The following ACTN1 variants were observed in gnomAD, a reference collection of about 807,000 sequenced individuals.
ACTN1 encodes actinin alpha 1.
In ACTN1, 30 loss-of-function variants were observed where a neutral mutation model predicts 119.6. That is an observed-to-expected ratio of 0.25 (90% CI 0.19 to 0.34). The LOEUF is 0.34. Among genes scored for constraint, ACTN1 ranks in the 10% least tolerant of loss-of-function variants. The pLI is 1.00. For synonymous variants in ACTN1, 429 were observed against 472.6 expected (o/e 0.91, Z 1.20); for missense variants, 764 against 1,223.4 (o/e 0.62, Z 5.60).
intron 3 of ACTN1, among the ~76,000 whole-genome samples, chr14:68,920,675 C>T (rs1446572320): frequency 6.6e-6 from 1 of 152,186 alleles, no homozygotes; most frequent in African/African-American, 2.4e-5. Flanking sequence ...ATACACAAAT[C>T]CTCTGCTCCA....
At chr14:68,957,874 A>C (rs1366248666) in intron 1 of ACTN1, among the ~76,000 whole-genome samples, 1 of 152,144 alleles carries the variant, frequency 6.6e-6, no homozygotes, top group Non-Finnish European at 1.5e-5. Flanking sequence ...GAAGTGAGAG[A>C]CGGCAGGTTT....
At chr14:68,876,937 G>T in intron 21 of ACTN1, 145 bp downstream of exon 21, 1 of 931,866 alleles carries the variant, frequency 1.1e-6, no homozygotes, top group Non-Finnish European at 1.6e-6. Flanking sequence ...TTACAGAAAT[G>T]AGTAGAAGTG....
rs2031325314 is a variant in ACTN1, at chr14:68,879,847, C to T, written c.2280+115G>A. 6.9e-7 allele frequency: 1 copy of T among 1,445,550 alleles called. No homozygotes were observed. 89.5% of individuals were successfully genotyped at this position (1,445,550 alleles called of 1,614,324 possible). ...AGTCAGGGCAGGCTGACGGCAGTTT[C>T]CCCTTTCTCTCCCTCCTCACTTGCA... On this transcript the variant is annotated intron_variant, in intron 18 of 21. Transcript: ENST00000394419. This position sits in a 1 kb window ranked among gnomAD's most constrained non-coding sequence, Gnocchi z 4.9.
At chr14:68,907,277 A>C (rs2033722481) in intron 6 of ACTN1, among the ~76,000 whole-genome samples, 1 of 144,398 alleles carries the variant, frequency 6.9e-6, no homozygotes, top group Non-Finnish European at 1.5e-5. Flanking sequence ...AAAAAAAAAA[A>C]AAAAAGCTGG....
At chr14:68,974,552 T>TCACACACACA (rs5809408) in intron 1 of ACTN1, among the ~76,000 whole-genome samples, 30 of 149,704 alleles carry the variant, frequency 2.0e-4, no homozygotes, top group Non-Finnish European at 2.2e-4. Flanking sequence ...TCCTACAACA[T>TCACACACACA]CACACACACA....
At chr14:68,912,348 A>C in intron 3 of ACTN1, 106 bp from the exon 4 acceptor site, 1 of 854,116 alleles carries the variant, frequency 1.2e-6, no homozygotes, top group African/African-American at 1.7e-5. Flanking sequence ...GAATCAAAAG[A>C]CTCCAGAGCT....
chr14:68,940,986 G>A (rs887813591), intron 1 of ACTN1, among the ~76,000 whole-genome samples: 3 of 152,198 alleles, frequency 2.0e-5, no homozygotes, highest in African/African-American at 7.2e-5. Flanking sequence ...TGGGCATAGT[G>A]ACTGGGAACT....
chr14:68,958,520 TA>T (rs796668441), intron 1 of ACTN1, among the ~76,000 whole-genome samples: 135 of 145,350 alleles, frequency 9.3e-4, no homozygotes, highest in Middle Eastern at 3.5e-3. Context: ...CCTTTTCAAT[TA>T]AAAAAAAAAA....
intron 9 of ACTN1, among the ~76,000 whole-genome samples, chr14:68,893,079 C>T (rs1478044034): frequency 1.3e-5 from 2 of 152,116 alleles, no homozygotes; most frequent in Non-Finnish European, 2.9e-5. Context: ...TCTTACTATG[C>T]TGGGCAGCAG....
At position 68,978,984 on chromosome 14, in the gene ACTN1, G is replaced by A. The variant is rs775639688; in HGVS notation, c.73C>T (p.Leu25=). 1 of 1,602,384 alleles carries A rather than the reference G, an allele frequency of 6.2e-7. No individual in the cohort carries two copies. The highest frequency in any genetic ancestry group is 8.5e-7 in the Non-Finnish European group (1 of 1,174,216). The change falls in exon 1 of 22, where the codon CTG becomes TTG. Residue 25 remains leucine, a synonymous_variant. Coordinates refer to ENST00000394419, the MANE Select transcript of ACTN1 (RefSeq NM_001130004.2). ...PEEDWDRDLL[L]DPAWEKQQRK... is the part of the protein sequence containing the mutation. ...TGCTGCTTCTCCCAGGCCGGGTCCA[G>A]GAGCAGGTCCCGGTCCCAGTCCTCT...
Position 68,880,067 on chromosome 14 carries a change from G to C in ACTN1, c.2175C>G (p.Ala725=). The change falls in exon 18 of 22, where the codon GCC becomes GCG. Residue 725 remains alanine (A), a synonymous_variant. Transcript: ENST00000394419. This position sits in a 1 kb window ranked among gnomAD's most constrained non-coding sequence, Gnocchi z 4.6. Reference sequence around the variant, plus strand: ...GGTTCTCTACCTCATTGATGGTCCTGGCGATGGTGGTGAGCAGCTGCTCCC... The same window carrying C: ...GGTTCTCTACCTCATTGATGGTCCTCGCGATGGTGGTGAGCAGCTGCTCCC... ...VGWEQLLTTI[A]RTINEVENQI... 1 of 1,614,192 alleles carries C rather than the reference G, an allele frequency of 6.2e-7. No individual in the cohort carries two copies.
rs1297241160 is a variant in ACTN1 at position 68,880,490 on chromosome 14, TA to T, written c.2133+319del. Among the ~76,000 whole-genome samples, 22 of 151,850 alleles carry T rather than the reference TA, an allele frequency of 1.4e-4. No homozygotes were observed. The highest frequency in any genetic ancestry group is 1.4e-3 in the Admixed American group (22 of 15,262). On this transcript the variant is annotated intron_variant, in intron 17 of 21. Transcript: ENST00000394419. This position sits in a 1 kb window ranked among gnomAD's most constrained non-coding sequence, Gnocchi z 4.6. ...ACACACACACACACTCTTGCACAGT[TA>T]AAACAAGTAGCCATTTTCAAAGCAG... is the stretch of plus-strand genomic sequence containing the variant.
chr14:68,876,690 A>G (rs866386435), intron 21 of ACTN1, among the ~76,000 whole-genome samples: 12 of 152,324 alleles, frequency 7.9e-5, no homozygotes, highest in South Asian at 6.2e-4. Context: ...TGGGTCCCAC[A>G]GTCCCTCTTC....
chr14:68,881,150 CATGGGTGCTCTTAGGT>C (rs1463812019), intron 16 of ACTN1, 161 bp from the exon 17 acceptor site: 2 of 629,248 alleles, frequency 3.2e-6, no homozygotes, highest in Non-Finnish European at 5.5e-6. Flanking sequence ...ACACTTTTAG[CATGGGTGCTCTTAGGT>C]ATGGAAACAG....
intron 1 of ACTN1, among the ~76,000 whole-genome samples, chr14:68,976,937 C>A (rs143099216): frequency 3.9e-5 from 6 of 152,192 alleles, no homozygotes; most frequent in Non-Finnish European, 8.8e-5. Flanking sequence ...AGGTCAGAGC[C>A]CTGGGAATCT....
At chr14:68,955,864 C>G (rs1330768890) in intron 1 of ACTN1, among the ~76,000 whole-genome samples, 1 of 152,250 alleles carries the variant, frequency 6.6e-6, no homozygotes, top group Non-Finnish European at 1.5e-5. Flanking sequence ...TTCCTTTCTT[C>G]ACTTTTGCTC....
chr14:68,912,248 G>C lies in ACTN1; in HGVS notation c.341-6C>G, dbSNP rs1339247308. The C allele has an allele frequency of 2.5e-6, 4 of 1,613,606 alleles. 1 individual carries two copies. In the South Asian group the frequency reaches 4.4e-5, roughly 18 times the overall value. ...CACATTCCCATCCACGATTTCTACA[G>C]AAACAGCAGCAGCACACATCAGAAA... On this transcript the variant is annotated splice_polypyrimidine_tract_variant and splice_region_variant and intron_variant, in intron 3 of 21. Transcript: ENST00000394419.
intron 13 of ACTN1, 86 bp downstream of exon 13, chr14:68,884,689 G>A: frequency 8.4e-7 from 1 of 1,192,784 alleles, no homozygotes; most frequent in Non-Finnish European, 1.2e-6. Context: ...GAGTCTTTTA[G>A]CCCAAAGCAA....
chr14:68,887,495 C>T (rs1445015064), intron 11 of ACTN1: 1 of 1,174,014 alleles, frequency 8.5e-7, no homozygotes, highest in African/African-American at 1.6e-5. Flanking sequence ...AACTAACCCC[C>T]CCATCTATGG....
Sources: allele counts gnomAD v4.1 joint callset (sites outside exome capture counted in the v4.1 genomes callset), GRCh38; gene constraint gnomAD v4.1.1; non-coding constraint Gnocchi (gnomAD v3.1); transcripts MANE v1.5; gene names NCBI Gene and HGNC (gene_info 2026-07-23, HGNC 2026-07-21).